The following U2SURP variants were observed in gnomAD, a reference collection of about 807,000 sequenced individuals.
U2SURP encodes the protein U2 snRNP associated SURP domain containing, also known as U2 snRNP-associated SURP motif-containing protein.
In U2SURP, 9 loss-of-function variants were observed where a neutral mutation model predicts 144.9. The observed-to-expected ratio is 0.06, with a 90% CI of 0.04 to 0.11. The LOEUF is 0.11. Among genes scored for constraint, U2SURP ranks in the 10% least tolerant of loss-of-function variants. The pLI, the probability that U2SURP is intolerant of heterozygous loss-of-function variation, is 1.00. For missense variants in U2SURP, 724 were observed against 1,226.7 expected (o/e 0.59, Z 6.12); for synonymous variants, 408 against 396.8 (o/e 1.03, Z -0.33).
At chr3:143,024,278 G>A (rs1404261108) in intron 13 of U2SURP, among the ~76,000 whole-genome samples, 1 of 152,126 alleles carries the variant, frequency 6.6e-6, no homozygotes, top group East Asian at 1.9e-4. Context: ...TATTAGCTCT[G>A]ATTTGGAGTC....
At chr3:143,029,471 G>A (rs574369222) in intron 16 of U2SURP, among the ~76,000 whole-genome samples, 7 of 152,206 alleles carry the variant, frequency 4.6e-5, no homozygotes, top group African/African-American at 1.7e-4. Context: ...ATCTTTGATT[G>A]TTTTGGGGCA....
At chr3:143,054,286 A>G (rs148884149) in intron 26 of U2SURP, among the ~76,000 whole-genome samples, 49 of 152,312 alleles carry the variant, frequency 3.2e-4, no homozygotes, top group Non-Finnish European at 5.4e-4. Flanking sequence ...CACGGTTCCT[A>G]AATCTCTGAT....
At chr3:143,031,808 T>G (rs1221524602) in intron 16 of U2SURP, among the ~76,000 whole-genome samples, 1 of 152,224 alleles carries the variant, frequency 6.6e-6, no homozygotes, top group Non-Finnish European at 1.5e-5. Context: ...TTGCATTGAT[T>G]CATTGCCTAT....
intron 6 of U2SURP, 180 bp downstream of exon 6, chr3:143,017,155 C>G (rs532039284): frequency 2.2e-6 from 1 of 451,980 alleles, no homozygotes. Context: ...AATTGGGACA[C>G]GTAGATGATA....
At chr3:143,011,141 A>G (rs1487898032) in intron 2 of U2SURP, among the ~76,000 whole-genome samples, 2 of 151,952 alleles carry the variant, frequency 1.3e-5, no homozygotes, top group Non-Finnish European at 2.9e-5. Context: ...TACTTTGACT[A>G]TGGGATTGCA....
At chr3:143,006,327 T>C (rs1935830745) in intron 1 of U2SURP, among the ~76,000 whole-genome samples, 1 of 152,222 alleles carries the variant, frequency 6.6e-6, no homozygotes, top group Non-Finnish European at 1.5e-5. Flanking sequence ...GTGGACAGCA[T>C]AGTATGTTGA....
At position 143,001,586 on chromosome 3, in the gene U2SURP, C is replaced by G. The variant is rs375855390; in HGVS notation, c.-43C>G. ...AGATCCGCTCTTTCGGTGCTCGACT[C>G]GCCCGTGCTGCTGCCGCCGCCGAAG... On this transcript the variant is annotated 5_prime_UTR_variant, in exon 1 of 28. Transcript: ENST00000473835. 3 of 1,611,018 alleles carry G rather than the reference C, an allele frequency of 1.9e-6. No individual in the cohort carries two copies. The highest frequency in any genetic ancestry group is 2.5e-6 in the Non-Finnish European group (3 of 1,178,880).
chr3:143,007,838 A>C (rs1935924766), intron 1 of U2SURP, among the ~76,000 whole-genome samples: 1 of 152,248 alleles, frequency 6.6e-6, no homozygotes, highest in Non-Finnish European at 1.5e-5. Context: ...GTTCCAGGTT[A>C]GGAAGAGGGA....
chr3:143,005,500 A>G (rs934491597), intron 1 of U2SURP, among the ~76,000 whole-genome samples: 2 of 152,228 alleles, frequency 1.3e-5, no homozygotes, highest in African/African-American at 4.8e-5. Context: ...TTATCTTAAA[A>G]TGTAAGGTAG....
At chr3:143,016,512 A>G in intron 5 of U2SURP, 141 bp downstream of exon 5, 1 of 729,394 alleles carries the variant, frequency 1.4e-6, no homozygotes, top group South Asian at 2.0e-5. Flanking sequence ...TTCTATCAGC[A>G]CCCTCTAGTG....
chr3:143,019,330 C>G (rs973810381), intron 6 of U2SURP, among the ~76,000 whole-genome samples: 2 of 152,116 alleles, frequency 1.3e-5, no homozygotes, highest in African/African-American at 2.4e-5. Context: ...GGTGTCATAT[C>G]TAAGAAACCA....
At chr3:143,008,061 G>T (rs1002430461) in intron 1 of U2SURP, among the ~76,000 whole-genome samples, 1 of 152,242 alleles carries the variant, frequency 6.6e-6, no homozygotes, top group Non-Finnish European at 1.5e-5. Context: ...AAATCAGCTG[G>T]TGCATTGTCC....
intron 3 of U2SURP, among the ~76,000 whole-genome samples, chr3:143,013,657 C>G (rs1438701092): frequency 6.6e-6 from 1 of 152,012 alleles, no homozygotes; most frequent in Non-Finnish European, 1.5e-5. Flanking sequence ...GGCTATATTT[C>G]AGAAGGAAGT....
At chr3:143,009,805 T>A (rs1936031274) in intron 1 of U2SURP, among the ~76,000 whole-genome samples, 1 of 152,190 alleles carries the variant, frequency 6.6e-6, no homozygotes, top group Admixed American at 6.5e-5. Context: ...GGATCTTTGC[T>A]CTTTTTTAAA....
chr3:143,006,203 A>G (rs888419887), intron 1 of U2SURP, among the ~76,000 whole-genome samples: 1 of 152,202 alleles, frequency 6.6e-6, no homozygotes, highest in Admixed American at 6.5e-5. Context: ...TAGGTTTGTT[A>G]TTTAACTTTA....
chr3:143,047,876 G>A (rs1198200960), intron 24 of U2SURP, among the ~76,000 whole-genome samples: 2 of 84,752 alleles, frequency 2.4e-5, no homozygotes, highest in Admixed American at 2.5e-4. Flanking sequence ...GCCGGGCGGG[G>A]GGCTGACCCC....
Position 143,033,375 on chromosome 3 carries a change from T to C in U2SURP, c.1853+25T>C, listed in dbSNP as rs780315313. The C allele has an allele frequency of 5.2e-5, 63 of 1,222,306 alleles. 1 individual carries two copies. The South Asian group carries it at 8.2e-4, about 16-fold the overall frequency. 75.7% of individuals were successfully genotyped at this position (1,222,306 alleles called of 1,614,324 possible). The stretch of plus-strand genomic sequence containing the variant: ...TGTAAGTATAATGATATAACTGATA[T>C]TCCTGAAATAAAGTATTTAAGGGTA... On this transcript the variant is annotated intron_variant, in intron 18 of 27. Coordinates refer to ENST00000473835, the MANE Select transcript of U2SURP (RefSeq NM_001080415.2).
chr3:143,050,689 G>A (rs538055908), intron 24 of U2SURP, among the ~76,000 whole-genome samples: 2 of 152,292 alleles, frequency 1.3e-5, no homozygotes, highest in South Asian at 4.1e-4. Context: ...ATTGTGTTGA[G>A]AGAATAAGTG....
chr3:143,036,929 G>A, intron 20 of U2SURP: 1 of 460,172 alleles, frequency 2.2e-6, no homozygotes, highest in South Asian at 3.5e-5. Context: ...CTATAACAGG[G>A]GGACCAAACT....
Sources: gnomAD v4.1 joint callset for allele counts (sites outside exome capture counted in the v4.1 genomes callset) on GRCh38, gnomAD v4.1.1 for gene constraint, MANE v1.5 for transcripts, NCBI Gene and HGNC (gene_info 2026-07-23, HGNC 2026-07-21) for gene names.